The following CEP112 variants were observed in gnomAD, a reference collection of about 807,000 sequenced individuals.
CEP112 encodes centrosomal protein 112.
CEP112 carries 127 observed loss-of-function variants against 153.0 expected under a neutral mutation model. The observed-to-expected ratio is 0.83, with a 90% confidence interval of 0.72 to 0.96. CEP112 has a LOEUF of 0.96. Among genes scored for constraint, CEP112 ranks in the 40% least tolerant of loss-of-function variants. The pLI is 0.00. For missense variants in CEP112, 1,089 were observed against 1,101.2 expected, an observed-to-expected ratio of 0.99 and a Z score of 0.16; for synonymous variants, 358 against 374.4, an observed-to-expected ratio of 0.96 and a Z score of 0.51.
rs2063539371 is a variant in CEP112, at chr17:65,989,998, T to C, written c.1736+15692A>G. On this transcript the variant is annotated intron_variant, in intron 17 of 26. Coordinates refer to ENST00000535342, the MANE Select transcript of CEP112 (RefSeq NM_001199165.4). ...TATAAAATGCTTTTTGTGAGCCTCA[T>C]AGTAACCACAATGCAAAAACCTATA... Among the ~76,000 whole-genome samples, 7 of 152,252 alleles carry C rather than the reference T, an allele frequency of 4.6e-5. No individual in the cohort carries two copies. The South Asian group carries it at 1.4e-3, about 32-fold the overall frequency.
intron 11 of CEP112, among the ~76,000 whole-genome samples, chr17:66,055,289 T>C (rs1225494785): frequency 1.3e-5 from 2 of 152,178 alleles, no homozygotes; most frequent in African/African-American, 2.4e-5. Context: ...TGCTCAGTAA[T>C]AGCCATACAG....
chr17:65,828,549 C>T (rs904530754), intron 21 of CEP112, among the ~76,000 whole-genome samples: 2 of 152,116 alleles, frequency 1.3e-5, no homozygotes, highest in Admixed American at 6.5e-5. Flanking sequence ...TAGCCCTGGG[C>T]CATCCTAATA....
intron 23 of CEP112, among the ~76,000 whole-genome samples, chr17:65,710,225 C>A (rs528210849): frequency 6.6e-6 from 1 of 152,180 alleles, no homozygotes; most frequent in East Asian, 1.9e-4. Flanking sequence ...ATTAAGGACA[C>A]GGGCTACTGA....
At chr17:65,776,417 G>C (rs2053681421) in intron 21 of CEP112, among the ~76,000 whole-genome samples, 1 of 152,118 alleles carries the variant, frequency 6.6e-6, no homozygotes, top group South Asian at 2.1e-4. Flanking sequence ...TGTATTTTTA[G>C]TAGAGATGGA....
chr17:65,904,557 C>T (rs138980901), intron 19 of CEP112, among the ~76,000 whole-genome samples: 11 of 152,248 alleles, frequency 7.2e-5, no homozygotes, highest in African/African-American at 2.6e-4. Context: ...AATGCTATCC[C>T]CATCAAGCTA....
chr17:65,819,324 T>C (rs1290369756), intron 21 of CEP112, among the ~76,000 whole-genome samples: 1 of 151,756 alleles, frequency 6.6e-6, no homozygotes, highest in Admixed American at 6.6e-5. Context: ...CAATATTTTC[T>C]CTCCTAATGA....
intron 24 of CEP112, among the ~76,000 whole-genome samples, chr17:65,661,159 G>T (rs1000172145): frequency 1.3e-5 from 2 of 152,188 alleles, no homozygotes; most frequent in Middle Eastern, 3.4e-3. Flanking sequence ...CTTTGCACAT[G>T]CTGTTTTGTG....
chr17:65,676,601 A>C lies in CEP112; in HGVS notation c.2697+12528T>G, dbSNP rs73336836. On this transcript the variant is annotated intron_variant, in intron 24 of 26. Coordinates refer to ENST00000535342, the MANE Select transcript of CEP112 (RefSeq NM_001199165.4). The stretch of plus-strand genomic sequence containing the variant: ...AAACTTCACAAGGGCAAAGATTTTC[A>C]TTCGGTTTGTTCAGCAACGTATATC... 8.1e-3 allele frequency among the ~76,000 whole-genome samples: 1,227 copies of C among 152,324 alleles called. 21 individuals are homozygous for C. Among genetic ancestry groups the C allele is most frequent in the African/African-American group, 0.028 (1,163 of 41,568 alleles).
intron 11 of CEP112, among the ~76,000 whole-genome samples, chr17:66,058,226 C>T (rs1568442488): frequency 6.6e-6 from 1 of 152,108 alleles, no homozygotes; most frequent in Non-Finnish European, 1.5e-5. Flanking sequence ...AGCCTCTTCT[C>T]TTCAAATACC....
Position 65,746,853 on chromosome 17 carries a change from C to T in CEP112, c.2458-3636G>A, listed in dbSNP as rs1318031320. Among the ~76,000 whole-genome samples the T allele has an allele frequency of 2.0e-5, 3 of 152,054 alleles. No individual in the cohort carries two copies. In the East Asian group the frequency reaches 5.8e-4, roughly 29 times the overall value. Reference sequence around the variant, plus strand: ...TAATTAAAAACCATAGAACAAAATGCTAGCACTCAACTAAATGTTTATACT... The same window carrying T: ...TAATTAAAAACCATAGAACAAAATGTTAGCACTCAACTAAATGTTTATACT... On this transcript the variant is annotated intron_variant, in intron 22 of 26. Coordinates refer to ENST00000535342, the MANE Select transcript of CEP112 (RefSeq NM_001199165.4).
At chr17:66,141,858 C>A (rs1276746248) in intron 4 of CEP112, among the ~76,000 whole-genome samples, 1 of 152,100 alleles carries the variant, frequency 6.6e-6, no homozygotes, top group Non-Finnish European at 1.5e-5. Context: ...GTACAGACAG[C>A]TTTTTGAGAT....
rs1304823767 is a variant in CEP112 at position 66,132,683 on chromosome 17, G to A, written c.551C>T (p.Thr184Ile). ...PTHREDGQNI[T>I]PKICEVYSKK... ...ATCTAATCTTACACAAATCTTTGGG[G>A]TAATATTTTGTCCATCTTCTCTGTG... Residue 184 changes from threonine (T) to isoleucine (I), a missense_variant, in exon 5 of 27, where the codon ACC becomes ATC. Thr to Ile is a moderately conservative substitution (Grantham distance 89, BLOSUM62 -1). Coordinates refer to ENST00000535342, the MANE Select transcript of CEP112 (RefSeq NM_001199165.4). 1 of 1,610,760 alleles carries A rather than the reference G, an allele frequency of 6.2e-7. No homozygotes were observed. The highest frequency in any genetic ancestry group is 1.3e-5 in the African/African-American group (1 of 74,824).
At chr17:65,892,000 T>C (rs1251072484) in intron 20 of CEP112, among the ~76,000 whole-genome samples, 1 of 152,220 alleles carries the variant, frequency 6.6e-6, no homozygotes, top group East Asian at 1.9e-4. Flanking sequence ...TGTGATACTC[T>C]CCTTGTTAAT....
At chr17:66,169,281 TC>T (rs1362709599) in intron 4 of CEP112, among the ~76,000 whole-genome samples, 2 of 133,114 alleles carry the variant, frequency 1.5e-5, no homozygotes, top group African/African-American at 3.0e-5. Flanking sequence ...TTTAATTTCT[TC>T]TTTTTTTTTT....
At chr17:65,698,395 G>A (rs767602415) in intron 23 of CEP112, among the ~76,000 whole-genome samples, 6 of 151,830 alleles carry the variant, frequency 4.0e-5, no homozygotes, top group Non-Finnish European at 8.8e-5. Context: ...TCCTTCTCTC[G>A]CTCACCTATT....
At chr17:65,842,094 A>G (rs1247059062) in intron 21 of CEP112, among the ~76,000 whole-genome samples, 1 of 152,048 alleles carries the variant, frequency 6.6e-6, no homozygotes, top group Admixed American at 6.6e-5. Flanking sequence ...TTCTAAATAG[A>G]ATTTTTTTCA....
At chr17:65,861,727 G>C (rs1016907681) in intron 20 of CEP112, among the ~76,000 whole-genome samples, 1 of 152,136 alleles carries the variant, frequency 6.6e-6, no homozygotes, top group Non-Finnish European at 1.5e-5. Flanking sequence ...CAAAACTCAA[G>C]AAGTCTGACA....
At chr17:65,651,052 C>T (rs1203265123) in intron 24 of CEP112, among the ~76,000 whole-genome samples, 1 of 152,150 alleles carries the variant, frequency 6.6e-6, no homozygotes. Context: ...GCAGTGTACA[C>T]TGAACCCAGT....
intron 23 of CEP112, among the ~76,000 whole-genome samples, chr17:65,718,231 C>T (rs975376712): frequency 1.3e-5 from 2 of 151,890 alleles, no homozygotes; most frequent in Non-Finnish European, 2.9e-5. Context: ...CATGGTGAAA[C>T]CCCGTCTCTA....
Sources: allele counts gnomAD v4.1 joint callset (sites outside exome capture counted in the v4.1 genomes callset), GRCh38; gene constraint gnomAD v4.1.1; transcripts MANE v1.5; gene names NCBI Gene and HGNC (gene_info 2026-07-23, HGNC 2026-07-21).